Variants in SH3PXD2B observed in about 807,000 individuals in gnomAD.
The protein encoded by SH3PXD2B is SH3 and PX domains 2B, also known as SH3 and PX domain-containing protein 2B.
Under a neutral mutation model 73.1 loss-of-function variants are expected in SH3PXD2B, and 37 were observed. The observed-to-expected ratio is 0.51, with a 90% CI of 0.39 to 0.67. The LOEUF is 0.67. Ranked by LOEUF, SH3PXD2B falls within the 30% of genes least tolerant of loss-of-function variation. SH3PXD2B has a pLI of 0.00. For missense variants in SH3PXD2B, 1,053 were observed against 1,197.8 expected, an observed-to-expected ratio of 0.88 and a Z score of 1.78; for synonymous variants, 457 against 480.5, an observed-to-expected ratio of 0.95 and a Z score of 0.64.
intron 12 of SH3PXD2B, 107 bp from the exon 13 acceptor site, chr5:172,340,023 G>A: frequency 6.4e-7 from 1 of 1,556,082 alleles, no homozygotes. Context: ...CTGTCACTGT[G>A]TACTCAGCAG....
rs886060416 is a variant in SH3PXD2B, at chr5:172,337,244, C to A, written c.*1125G>T. On this transcript the variant is annotated 3_prime_UTR_variant, in exon 13 of 13. Transcript: ENST00000311601. ...GGGAGCAGCCACGAATGCCCCCTCA[C>A]CCCCCTCACAATGAAGCCACTTGGC... 2.0e-6 allele frequency: 2 copies of A among 985,318 alleles called. No homozygotes were observed. Among genetic ancestry groups the A allele is most frequent in the Non-Finnish European group, 2.4e-6 (2 of 829,942 alleles). 61.0% of individuals were successfully genotyped at this position (985,318 alleles called of 1,614,324 possible).
chr5:172,336,528 C>T lies in SH3PXD2B; in HGVS notation c.*1841G>A, dbSNP rs1756695472. ...CTCACGCAGAAGCAGCCAGCACCCA[C>T]GTGATAGGGGGTGGAGCTGGGAGGC... On this transcript the variant is annotated 3_prime_UTR_variant, in exon 13 of 13. Transcript: ENST00000311601. 9.6e-6 allele frequency: 9 copies of T among 937,856 alleles called. No individual in the cohort carries two copies. The highest frequency in any genetic ancestry group is 2.2e-5 in the African/African-American group (1 of 46,218). 58.1% of individuals were successfully genotyped at this position (937,856 alleles called of 1,614,324 possible). A position where few individuals can be genotyped will look rare whatever the true frequency, so the allele number is the denominator to read the frequency against.
intron 1 of SH3PXD2B, among the ~76,000 whole-genome samples, chr5:172,436,425 G>T (rs2113493483): frequency 6.6e-6 from 1 of 152,342 alleles, no homozygotes; most frequent in Admixed American, 6.5e-5. Flanking sequence ...GCCCTATTCT[G>T]CCTGCTTCAG....
chr5:172,386,617 ATTTGT>A (rs796424182), intron 4 of SH3PXD2B, among the ~76,000 whole-genome samples: 1 of 151,182 alleles, frequency 6.6e-6, no homozygotes, highest in African/African-American at 2.4e-5. Context: ...CATGATACCC[ATTTGT>A]TTTGTTTTGT....
chr5:172,425,081 G>A (rs1348837585), intron 1 of SH3PXD2B, among the ~76,000 whole-genome samples: 3 of 152,074 alleles, frequency 2.0e-5, no homozygotes, highest in African/African-American at 4.8e-5. Flanking sequence ...TCAGAAAGGC[G>A]ACTTTGTGAT....
intron 3 of SH3PXD2B, among the ~76,000 whole-genome samples, chr5:172,403,716 C>G (rs1280368966): frequency 6.6e-6 from 1 of 152,202 alleles, no homozygotes; most frequent in Non-Finnish European, 1.5e-5. Context: ...CACTGCCTTC[C>G]TTTCCTTTCT....
chr5:172,400,280 T>G (rs1410334874), intron 3 of SH3PXD2B, among the ~76,000 whole-genome samples: 4 of 152,204 alleles, frequency 2.6e-5, no homozygotes, highest in Non-Finnish European at 4.4e-5. Flanking sequence ...TTAACTCACA[T>G]GCAGTAATAT....
Position 172,390,813 on chromosome 5 carries a change from TTTTGTGTGTGTG to T in SH3PXD2B, c.309+3738_309+3749del, listed in dbSNP as rs1354996953. 2.1e-4 allele frequency among the ~76,000 whole-genome samples: 24 copies of T among 116,764 alleles called. 1 individual carries two copies. Among genetic ancestry groups the T allele is most frequent in the African/African-American group, 8.6e-4 (24 of 28,010 alleles). The allele number at this position is 116,764 out of a possible 152,430, so 76.6% of individuals were successfully genotyped here. On this transcript the variant is annotated intron_variant, in intron 4 of 12. Transcript: ENST00000311601. ...CTGTCTTCCAAAGTAGCTTCCCGTC[TTTTGTGTGTGTG>T]TGTGTGTGTGTGTGTGTGTGTGTGT...
intron 1 of SH3PXD2B, among the ~76,000 whole-genome samples, chr5:172,447,245 T>G (rs2113517691): frequency 6.6e-6 from 1 of 152,324 alleles, no homozygotes; most frequent in East Asian, 1.9e-4. Context: ...ATTTCTGAGC[T>G]TACACAGACT....
chr5:172,354,091 G>C, intron 8 of SH3PXD2B, 86 bp from the exon 9 acceptor site: 1 of 1,312,590 alleles, frequency 7.6e-7, no homozygotes, highest in South Asian at 1.2e-5. Context: ...TTGCCCGTCG[G>C]AGGGAGGATT....
At chr5:172,426,711 G>A (rs929959951) in intron 1 of SH3PXD2B, among the ~76,000 whole-genome samples, 11 of 152,180 alleles carry the variant, frequency 7.2e-5, no homozygotes, top group African/African-American at 2.7e-4. Context: ...ACTTTTGATG[G>A]CAGTCTCAGG....
chr5:172,389,646 AGCC>A (rs1758135304), intron 4 of SH3PXD2B, among the ~76,000 whole-genome samples: 1 of 150,858 alleles, frequency 6.6e-6, no homozygotes, highest in Non-Finnish European at 1.5e-5. Flanking sequence ...GGATCACTTG[AGCC>A]TAGGAGACTG....
At chr5:172,454,031 G>A (rs1759865197) in intron 1 of SH3PXD2B, among the ~76,000 whole-genome samples, 1 of 151,374 alleles carries the variant, frequency 6.6e-6, no homozygotes, top group South Asian at 2.1e-4. Context: ...GAGCCGCAGG[G>A]AGGCGAGTAG....
At position 172,337,604 on chromosome 5, in the gene SH3PXD2B, T is replaced by C. The variant is rs756231889; in HGVS notation, c.*765A>G. ...TAGGCAAAAATGAAATGCTCCAAGT[T>C]GGGGTGGGAACTCTCATTGAAAAGC... On this transcript the variant is annotated 3_prime_UTR_variant, in exon 13 of 13. Transcript: ENST00000311601. The C allele has an allele frequency of 1.6e-5, 16 of 985,378 alleles. No individual in the cohort carries two copies. The South Asian group carries it at 6.6e-4, about 41-fold the overall frequency. The allele number at this position is 985,378 out of a possible 1,614,324, so 61.0% of individuals were successfully genotyped here.
rs747042933 is a variant in SH3PXD2B at position 172,334,559 on chromosome 5, C to T, written c.*3810G>A. On this transcript the variant is annotated 3_prime_UTR_variant, in exon 13 of 13. Coordinates refer to ENST00000311601, the MANE Select transcript of SH3PXD2B (RefSeq NM_001017995.3). The stretch of plus-strand genomic sequence containing the variant: ...CATGGCTCAGGCTGTTAGGTGTCCA[C>T]TGTCACAGTCCAAAGAGAAAGGTAC... 116 of 985,466 alleles carry T rather than the reference C, an allele frequency of 1.2e-4. No individual in the cohort carries two copies. The highest frequency in any genetic ancestry group is 1.4e-4 in the Non-Finnish European group (113 of 830,044). 61.0% of individuals were successfully genotyped at this position (985,466 alleles called of 1,614,324 possible). A position where few individuals can be genotyped will look rare whatever the true frequency, so the allele number is the denominator to read the frequency against.
At chr5:172,350,297 C>T (rs187647124) in intron 10 of SH3PXD2B, 66 bp downstream of exon 10, 87 of 1,507,900 alleles carry the variant, frequency 5.8e-5, no homozygotes, top group East Asian at 4.3e-4. Context: ...CGATGTGAGA[C>T]GCCTTGAGCA....
chr5:172,388,243 A>G (rs1758099117), intron 4 of SH3PXD2B, among the ~76,000 whole-genome samples: 1 of 152,230 alleles, frequency 6.6e-6, no homozygotes, highest in Non-Finnish European at 1.5e-5. Flanking sequence ...GGTATCATCT[A>G]TAGCTCTCAT....
At chr5:172,348,509 C>A (rs1476168076) in intron 10 of SH3PXD2B, among the ~76,000 whole-genome samples, 1 of 152,104 alleles carries the variant, frequency 6.6e-6, no homozygotes, top group Non-Finnish European at 1.5e-5. Context: ...TGAACATATA[C>A]ACAGACTGTT....
chr5:172,410,761 G>A (rs1009426608), intron 2 of SH3PXD2B, among the ~76,000 whole-genome samples: 3 of 152,174 alleles, frequency 2.0e-5, no homozygotes, highest in Admixed American at 6.5e-5. Flanking sequence ...CAACTAACAC[G>A]TATATAACAG....
Sources: allele counts gnomAD v4.1 joint callset (sites outside exome capture counted in the v4.1 genomes callset), GRCh38; gene constraint gnomAD v4.1.1; transcripts MANE v1.5; gene names NCBI Gene and HGNC (gene_info 2026-07-23, HGNC 2026-07-21).